Variants in MFSD8 observed in about 807,000 individuals in gnomAD.
MFSD8 encodes major facilitator superfamily domain containing 8.
Under a neutral mutation model 66.4 loss-of-function variants are expected in MFSD8, and 55 were observed. The ratio of observed to expected loss-of-function variants is 0.83; its 90% CI spans 0.67 to 1.04. MFSD8 has a LOEUF of 1.04. Ranked by LOEUF, MFSD8 falls within the 50% of genes least tolerant of loss-of-function variation. The pLI, the probability that MFSD8 is intolerant of heterozygous loss-of-function variation, is 0.00. For missense variants in MFSD8, 550 were observed against 627.6 expected (o/e 0.88, Z 1.32); for synonymous variants, 202 against 212.8 (o/e 0.95, Z 0.44).
intron 9 of MFSD8, among the ~76,000 whole-genome samples, chr4:127,923,934 T>C (rs889263867): frequency 6.6e-6 from 1 of 152,096 alleles, no homozygotes; most frequent in Non-Finnish European, 1.5e-5. Flanking sequence ...TCAGGGATAT[T>C]GGCCTTAAAT....
chr4:127,956,317 A>G (rs1386433496), intron 2 of MFSD8, among the ~76,000 whole-genome samples: 1 of 151,134 alleles, frequency 6.6e-6, no homozygotes, highest in Non-Finnish European at 1.5e-5. Context: ...ATCCCGGCTA[A>G]CACAGTGAAA....
chr4:127,936,582 G>A (rs1026322889), intron 7 of MFSD8, among the ~76,000 whole-genome samples: 50 of 151,810 alleles, frequency 3.3e-4, no homozygotes, highest in Admixed American at 2.8e-3. Context: ...AAAAACCAAC[G>A]TTATTTGTTG....
rs1164354299 is a variant in MFSD8, at chr4:127,943,999, A to T, written c.199-7T>A. The T allele has an allele frequency of 6.2e-7, 1 of 1,614,130 alleles. No individual in the cohort carries two copies. Among genetic ancestry groups the T allele is most frequent in the African/African-American group, 1.3e-5 (1 of 75,080 alleles). ...TATCAGCTGTCGGATCAATCTGCAG[A>T]AAAAGGTACAGTGCTTTAAGAATTG... On this transcript the variant is annotated splice_region_variant and splice_polypyrimidine_tract_variant and intron_variant, in intron 3 of 11. Transcript: ENST00000641686.
At chr4:127,938,933 AAT>A in intron 6 of MFSD8, 95 bp from the exon 7 acceptor site, 1 of 933,698 alleles carries the variant, frequency 1.1e-6, no homozygotes, top group Non-Finnish European at 1.7e-6. Flanking sequence ...TTCACATTCT[AAT>A]ATAGTTTCTT....
intron 9 of MFSD8, among the ~76,000 whole-genome samples, chr4:127,924,402 A>G (rs1030929822): frequency 6.6e-6 from 1 of 152,088 alleles, no homozygotes; most frequent in Non-Finnish European, 1.5e-5. Flanking sequence ...TCTCAGGATA[A>G]AAAATCAATG....
chr4:127,938,676 C>T lies in MFSD8; in HGVS notation c.754+107G>A, dbSNP rs571560938. 2.4e-5 allele frequency: 15 copies of T among 623,288 alleles called. No homozygotes were observed. The African/African-American group carries it at 2.8e-4, about 11-fold the overall frequency. The allele number at this position is 623,288 out of a possible 1,614,324, so 38.6% of individuals were successfully genotyped here. The stretch of plus-strand genomic sequence containing the variant: ...GCTTTGAAGATCTTCCCCAATCACC[C>T]ACTGTGTTGTCCTCAGAAGCAAAAT... On this transcript the variant is annotated intron_variant, in intron 7 of 11. Transcript: ENST00000641686.
At chr4:127,925,460 T>A (rs1472056431) in intron 9 of MFSD8, among the ~76,000 whole-genome samples, 1 of 152,156 alleles carries the variant, frequency 6.6e-6, no homozygotes, top group Non-Finnish European at 1.5e-5. Flanking sequence ...AAAGAAGACA[T>A]TTATGCAACC....
chr4:127,927,422 C>T (rs188863078), intron 9 of MFSD8, among the ~76,000 whole-genome samples: 11 of 152,148 alleles, frequency 7.2e-5, no homozygotes, highest in African/African-American at 2.2e-4. Flanking sequence ...GTGATCTGCC[C>T]GCCTTGGCCT....
At chr4:127,956,818 C>CA (rs550327079) in intron 2 of MFSD8, among the ~76,000 whole-genome samples, 5,113 of 57,622 alleles carry the variant, frequency 0.089, 333 homozygotes, top group African/African-American at 0.25. Flanking sequence ...AACTCCGTCT[C>CA]AAAAAAAAAA....
chr4:127,935,623 C>T (rs1463588252), intron 7 of MFSD8, among the ~76,000 whole-genome samples: 1 of 151,990 alleles, frequency 6.6e-6, no homozygotes, highest in Non-Finnish European at 1.5e-5. Flanking sequence ...TTTGAAGTAA[C>T]TAGAAATCTC....
rs371428597 is a variant in MFSD8 at position 127,921,529 on chromosome 4, G to A, written c.1345C>T (p.Pro449Ser). The A allele has an allele frequency of 1.9e-6, 3 of 1,614,048 alleles. No homozygotes were observed. In the African/African-American group the frequency reaches 4.0e-5, roughly 22 times the overall value. Reference protein sequence around the residue: ...TLYSKILGPKPQGVYMGWLTA... With the variant: ...TLYSKILGPKSQGVYMGWLTA... ...TGTCAGGGTACCTGGCTTACCTGAG[G>A]TTTTGGTCCTAGAATTTTTGAATAT... Residue 449 changes from proline to serine, a missense_variant, in exon 11 of 12, where the codon CCT (proline) becomes TCT (serine). Coordinates refer to ENST00000641686, the MANE Select transcript of MFSD8 (RefSeq NM_001371596.2).
chr4:127,957,456 G>T, intron 2 of MFSD8, 45 bp downstream of exon 2: 1 of 1,273,396 alleles, frequency 7.9e-7, no homozygotes, highest in Non-Finnish European at 1.1e-6. Flanking sequence ...GTTAAAATAT[G>T]ACATCTGATC....
At chr4:127,963,420 A>C (rs181193738) in intron 1 of MFSD8, among the ~76,000 whole-genome samples, 72 of 152,352 alleles carry the variant, frequency 4.7e-4, no homozygotes, top group African/African-American at 1.7e-3. Flanking sequence ...CACTGACTTC[A>C]AGAATGAAGC....
intron 7 of MFSD8, among the ~76,000 whole-genome samples, 179 bp downstream of exon 7, chr4:127,938,592 AAAATAAATAAAT>A (rs376661613): frequency 2.4e-4 from 31 of 131,010 alleles, no homozygotes; most frequent in South Asian, 6.8e-4. Flanking sequence ...CAAAAAAAAA[AAAATAAATAAAT>A]AAATAAATAA....
intron 3 of MFSD8, 142 bp from the exon 4 acceptor site, chr4:127,944,134 G>A (rs1454572091): frequency 8.7e-7 from 1 of 1,142,952 alleles, no homozygotes; most frequent in Non-Finnish European, 1.2e-6. Flanking sequence ...ATTACTTATA[G>A]TAAGGGATTC....
chr4:127,921,285 T>C lies in MFSD8; in HGVS notation c.1350+239A>G. The C allele has an allele frequency of 4.5e-6, 3 of 665,026 alleles. No homozygotes were observed. The South Asian group carries it at 5.9e-5, about 13-fold the overall frequency. The allele number at this position is 665,026 out of a possible 1,614,324, so 41.2% of individuals were successfully genotyped here. On this transcript the variant is annotated intron_variant, in intron 11 of 11. Coordinates refer to ENST00000641686, the MANE Select transcript of MFSD8 (RefSeq NM_001371596.2). ...AAGCCATATTTGGCTGACTCCACTG[T>C]GCCACTTTACACTCTACCACAATGC... is the stretch of plus-strand genomic sequence containing the variant.
In MFSD8 at chr4:127,953,556, T is replaced by G. The variant is rs1057439927; in HGVS notation, c.155-3709A>C. On this transcript the variant is annotated intron_variant, in intron 2 of 11. Transcript: ENST00000641686. Reference sequence around the variant, plus strand: ...ACAAGGCATTCTGTTTTTTTTTTTTTTTTTTTTTTTTTTTTGAGACGGAAT... The same window carrying G: ...ACAAGGCATTCTGTTTTTTTTTTTTGTTTTTTTTTTTTTTTGAGACGGAAT... Among the ~76,000 whole-genome samples the G allele has an allele frequency of 6.8e-3, 930 of 137,500 alleles. 4 individuals are homozygous for G. The highest frequency in any genetic ancestry group is 9.5e-3 in the Non-Finnish European group (603 of 63,372). 90.2% of individuals were successfully genotyped at this position (137,500 alleles called of 152,430 possible). A position where few individuals can be genotyped will look rare whatever the true frequency, so the allele number is the denominator to read the frequency against.
At chr4:127,952,020 G>A (rs1015809218) in intron 2 of MFSD8, among the ~76,000 whole-genome samples, 7 of 151,828 alleles carry the variant, frequency 4.6e-5, no homozygotes, top group South Asian at 2.1e-4. Context: ...GAGCAACCGC[G>A]CCTGGCCTTA....
intron 8 of MFSD8, chr4:127,932,753 G>T: frequency 2.5e-6 from 1 of 395,954 alleles, no homozygotes. Context: ...GGAAAGAGTA[G>T]TGAAACAGAT....
Sources: allele counts gnomAD v4.1 joint callset (sites outside exome capture counted in the v4.1 genomes callset), GRCh38; gene constraint gnomAD v4.1.1; transcripts MANE v1.5; gene names NCBI Gene and HGNC (gene_info 2026-07-23, HGNC 2026-07-21).